MYCBP2: variants seen among roughly 807,000 people sequenced by gnomAD.
The protein encoded by MYCBP2 is E3 ubiquitin-protein ligase MYCBP2.
MYCBP2 carries 120 observed loss-of-function variants against 525.3 expected under a neutral mutation model. The ratio of observed to expected loss-of-function variants is 0.23; its 90% CI spans 0.20 to 0.27. The LOEUF (loss-of-function observed/expected upper bound fraction) is 0.27, where lower values mean the gene tolerates loss of function less well. Ranked by LOEUF, MYCBP2 falls within the 10% of genes least tolerant of loss-of-function variation. The probability of loss-of-function intolerance (pLI) is 1.00; values close to 1 mark genes in which losing one functional copy is unlikely to be tolerated. For missense variants in MYCBP2, 4,149 were observed against 5,657.1 expected (o/e 0.73, Z 8.55); for synonymous variants, 1,894 against 1,955.8 (o/e 0.97, Z 0.83).
chr13:77,064,163 GC>G (rs1486903877), intron 73 of MYCBP2, among the ~76,000 whole-genome samples: 1 of 152,136 alleles, frequency 6.6e-6, no homozygotes, highest in African/African-American at 2.4e-5. Context: ...AGCACTTCTT[GC>G]TTTTTAGAAG....
intron 13 of MYCBP2, 67 bp from the exon 14 acceptor site, chr13:77,257,896 C>T: frequency 1.5e-6 from 2 of 1,320,984 alleles, no homozygotes; most frequent in Non-Finnish European, 1.0e-6. Flanking sequence ...AAAAGAACTA[C>T]CTCAATGCAG....
chr13:77,061,680 G>T lies in MYCBP2; in HGVS notation c.12885C>A (p.Thr4295=). The change falls in exon 75 of 83, where the codon ACC becomes ACA. Residue 4295 remains threonine, a synonymous_variant. Coordinates refer to ENST00000544440, the MANE Select transcript of MYCBP2 (RefSeq NM_015057.5). ...CDRFLHLHRR[T]KTHQRQVFKE... ...TCTTCACCTGTCTTTGATGAGTTTT[G>T]GTTCTTCGATGAAGGTGAAGGAATC... 2.5e-6 allele frequency: 4 copies of T among 1,609,904 alleles called. No homozygotes were observed. The South Asian group carries it at 4.4e-5, about 18-fold the overall frequency.
chr13:77,254,318 T>C (rs2071767293), intron 14 of MYCBP2, among the ~76,000 whole-genome samples: 1 of 151,674 alleles, frequency 6.6e-6, no homozygotes, highest in African/African-American at 2.4e-5. Context: ...TGGGGAGAAA[T>C]GGAATATGAT....
chr13:77,272,375 G>A (rs2075014863), intron 5 of MYCBP2: 2 of 152,072 alleles, frequency 1.3e-5, no homozygotes, highest in South Asian at 4.1e-4. Flanking sequence ...CTCCTGCTAT[G>A]AGCTCTAATG....
chr13:77,130,729 T>C (rs73239494), intron 52 of MYCBP2, among the ~76,000 whole-genome samples: 3,396 of 152,272 alleles, frequency 0.022, 59 homozygotes, highest in Middle Eastern at 0.078. Flanking sequence ...TCAATGGGTT[T>C]TTCTCCCTTA....
intron 82 of MYCBP2, among the ~76,000 whole-genome samples, chr13:77,050,374 T>A (rs964186342): frequency 6.6e-6 from 1 of 152,196 alleles, no homozygotes; most frequent in African/African-American, 2.4e-5. Flanking sequence ...CTCCTATGGT[T>A]GCACGGACCT....
chr13:77,114,270 C>T (rs1243808878), intron 55 of MYCBP2, among the ~76,000 whole-genome samples: 2 of 152,080 alleles, frequency 1.3e-5, no homozygotes, highest in East Asian at 3.8e-4. Context: ...ATAGATTGCT[C>T]TCTTTTAGAG....
At chr13:77,068,953 T>A (rs74863929) in intron 69 of MYCBP2, 122 bp from the exon 70 acceptor site, 21,220 of 943,078 alleles carry the variant, frequency 0.023, 371 homozygotes, top group East Asian at 0.05. Context: ...TTAATACTAT[T>A]CTCCCAGTTA....
At chr13:77,131,314 C>A (rs945978134) in intron 52 of MYCBP2, among the ~76,000 whole-genome samples, 7 of 151,876 alleles carry the variant, frequency 4.6e-5, no homozygotes, top group African/African-American at 1.7e-4. Context: ...TCCAGGAGTT[C>A]GAGACCAGCC....
intron 55 of MYCBP2, among the ~76,000 whole-genome samples, chr13:77,115,567 A>G (rs1418825175): frequency 6.6e-6 from 1 of 151,992 alleles, no homozygotes; most frequent in East Asian, 1.9e-4. Context: ...AAATTACCAA[A>G]TATTCTATTT....
intron 1 of MYCBP2, among the ~76,000 whole-genome samples, chr13:77,312,700 G>A (rs1436682573): frequency 6.6e-6 from 1 of 151,894 alleles, no homozygotes; most frequent in African/African-American, 2.4e-5. Context: ...CAAAAAAAGA[G>A]AAACAGAAGA....
intron 49 of MYCBP2, 31 bp from the exon 50 acceptor site, chr13:77,140,974 T>A: frequency 6.7e-7 from 1 of 1,494,372 alleles, no homozygotes; most frequent in Non-Finnish European, 9.2e-7. Flanking sequence ...CTGTAACATT[T>A]GAGAAAAAAA....
rs749535182 is a variant in MYCBP2 at position 77,161,975 on chromosome 13, T to C, written c.6548-20A>G. ...CATTACCTGTTGTGTAAATAAAGAGTTTTACTAAAATATGTCAATATTTAG... is the reference window on the plus strand; with the variant it reads ...CATTACCTGTTGTGTAAATAAAGAGCTTTACTAAAATATGTCAATATTTAG... On this transcript the variant is annotated intron_variant, in intron 43 of 82. Transcript: ENST00000544440. The C allele has an allele frequency of 1.3e-6, 2 of 1,542,998 alleles. No homozygotes were observed. Among genetic ancestry groups the C allele is most frequent in the East Asian group, 4.5e-5 (2 of 44,044 alleles).
chr13:77,292,974 A>AAAG lies in MYCBP2; in HGVS notation c.378+3624_378+3625insCTT, dbSNP rs2077655514. ...ACTCCGTCTCAAAAAAAAAAAAAAAAAAAGAAAGAAAAAAAAAGAAAACCC... is the reference window on the plus strand; with the variant it reads ...ACTCCGTCTCAAAAAAAAAAAAAAAAAAGAAAGAAAGAAAAAAAAAGAAAACCC... On this transcript the variant is annotated intron_variant, in intron 2 of 82. Transcript: ENST00000544440. Among the ~76,000 whole-genome samples, 4 of 151,274 alleles carry AAAG rather than the reference A, an allele frequency of 2.6e-5. No homozygotes were observed. The South Asian group carries it at 6.2e-4, about 24-fold the overall frequency.
rs908406922 is a variant in MYCBP2 at position 77,262,128 on chromosome 13, A to G, written c.1572T>C (p.Ser524=). Residue 524 remains serine (S), a splice_region_variant and synonymous_variant, in exon 11 of 83, where the codon AGT becomes AGC. Transcript: ENST00000544440. The part of the protein sequence containing the change: ...FDLEKDLHII[S]TGFDEESAIL... ...TTGCTGACTCCTCATCAAATCCTGTACCTGAAATACGAGACTAATAAATAC... is the reference window on the plus strand; with the variant it reads ...TTGCTGACTCCTCATCAAATCCTGTGCCTGAAATACGAGACTAATAAATAC... The G allele has an allele frequency of 1.2e-6, 2 of 1,606,398 alleles. No homozygotes were observed. Among genetic ancestry groups the G allele is most frequent in the African/African-American group, 2.7e-5 (2 of 74,754 alleles).
At chr13:77,264,079 C>A (rs2073730707) in intron 8 of MYCBP2, 77 bp from the exon 9 acceptor site, 1 of 1,161,258 alleles carries the variant, frequency 8.6e-7, no homozygotes, top group South Asian at 1.4e-5. Flanking sequence ...CTGTTGAAGT[C>A]AAAATGAGAG....
intron 3 of MYCBP2, among the ~76,000 whole-genome samples, chr13:77,285,224 T>C (rs2076607167): frequency 6.6e-6 from 1 of 152,224 alleles, no homozygotes; most frequent in African/African-American, 2.4e-5. Context: ...CATACCTGTG[T>C]AAAAAATTTA....
At chr13:77,102,937 A>T (rs1195068609) in intron 55 of MYCBP2, among the ~76,000 whole-genome samples, 1 of 152,016 alleles carries the variant, frequency 6.6e-6, no homozygotes, top group East Asian at 1.9e-4. Context: ...ACCTATTTTA[A>T]TTTTAATGAT....
chr13:77,205,695 A>G, intron 24 of MYCBP2, 97 bp from the exon 25 acceptor site: 1 of 1,035,700 alleles, frequency 9.7e-7, no homozygotes, highest in Non-Finnish European at 1.4e-6. Flanking sequence ...TAAAATAAAT[A>G]AACTCAGAAT....
Sources: allele counts gnomAD v4.1 joint callset (sites outside exome capture counted in the v4.1 genomes callset), GRCh38; gene constraint gnomAD v4.1.1; transcripts MANE v1.5; gene names NCBI Gene and HGNC (gene_info 2026-07-23, HGNC 2026-07-21).